The following TRPM3 variants were observed in gnomAD, a reference collection of about 807,000 sequenced individuals.
The protein encoded by TRPM3 is long transient receptor potential channel 3.
Under a neutral mutation model 181.2 loss-of-function variants are expected in TRPM3, and 77 were observed. The observed-to-expected ratio is 0.42, with a 90% confidence interval of 0.35 to 0.51. The LOEUF (loss-of-function observed/expected upper bound fraction) is 0.51. TRPM3 is among the 20% of genes least tolerant of loss of function. TRPM3 has a pLI of 0.01. For missense variants in TRPM3, 1,759 were observed against 2,196.7 expected (o/e 0.80, Z 3.98); for synonymous variants, 745 against 796.4 (o/e 0.94, Z 1.09).
chr9:70,615,832 G>C (rs2062699471), intron 18 of TRPM3, 76 bp downstream of exon 18: 2 of 1,435,314 alleles, frequency 1.4e-6, no homozygotes, highest in Non-Finnish European at 1.9e-6. Context: ...AGGAGTTACT[G>C]AATCTTGAGC....
chr9:70,698,613 G>A (rs566830429), intron 8 of TRPM3, among the ~76,000 whole-genome samples: 1 of 152,268 alleles, frequency 6.6e-6, no homozygotes, highest in East Asian at 1.9e-4. Context: ...TAGTGATATG[G>A]TTTGGATCAG....
intron 1 of TRPM3, among the ~76,000 whole-genome samples, chr9:71,334,686 T>G (rs1010034641): frequency 1.3e-5 from 2 of 152,130 alleles, no homozygotes; most frequent in Non-Finnish European, 2.9e-5. Flanking sequence ...CAACCATCTT[T>G]CTCCCCAAAT....
intron 1 of TRPM3, among the ~76,000 whole-genome samples, chr9:71,370,477 GA>G (rs111456800): frequency 0.016 from 2,389 of 148,634 alleles, 68 homozygotes; most frequent in African/African-American, 0.052. Flanking sequence ...GGTCTGGATA[GA>G]AAAAAAAAAT....
At chr9:71,388,756 T>C (rs1168519890) in intron 1 of TRPM3, among the ~76,000 whole-genome samples, 1 of 152,076 alleles carries the variant, frequency 6.6e-6, no homozygotes, top group African/African-American at 2.4e-5. Context: ...CAAAAAAGAA[T>C]TTTTTTCTTC....
intron 1 of TRPM3, among the ~76,000 whole-genome samples, chr9:71,178,888 A>G (rs965832432): frequency 5.9e-5 from 9 of 152,136 alleles, no homozygotes; most frequent in South Asian, 2.1e-4. Context: ...AGTTTCTTCT[A>G]TTAAGTAATT....
At position 71,190,478 on chromosome 9, in the gene TRPM3, C is replaced by A. The variant is rs190428384; in HGVS notation, c.183+256175G>T. Reference sequence around the variant, plus strand: ...GTTCAATGACAACAATCTTTTCCCACATCCGATAATCTTATTTATAAAATA... The same window carrying A: ...GTTCAATGACAACAATCTTTTCCCAAATCCGATAATCTTATTTATAAAATA... On this transcript the variant is annotated intron_variant, in intron 1 of 24. Transcript: ENST00000357533. Among the ~76,000 whole-genome samples the A allele has an allele frequency of 2.6e-5, 4 of 151,992 alleles. No homozygotes were observed. In the East Asian group the frequency reaches 7.7e-4, roughly 29 times the overall value.
chr9:71,192,859 T>C (rs551189189), intron 1 of TRPM3, among the ~76,000 whole-genome samples: 1 of 151,818 alleles, frequency 6.6e-6, no homozygotes, highest in Non-Finnish European at 1.5e-5. Context: ...TTTCCCCCTA[T>C]GTTTTCTTCT....
intron 1 of TRPM3, among the ~76,000 whole-genome samples, chr9:71,107,701 C>T (rs2070032114): frequency 1.3e-5 from 2 of 152,138 alleles, no homozygotes; most frequent in Non-Finnish European, 2.9e-5. Flanking sequence ...AAACAGTGCT[C>T]ATTTGACTGT....
intron 20 of TRPM3, among the ~76,000 whole-genome samples, chr9:70,601,944 G>T (rs562205079): frequency 6.6e-6 from 1 of 152,266 alleles, no homozygotes; most frequent in South Asian, 2.1e-4. Flanking sequence ...GCCCCAGCAG[G>T]AGCGGGCCTC....
chr9:71,250,069 A>C (rs73647983), intron 1 of TRPM3, among the ~76,000 whole-genome samples: 2,852 of 152,324 alleles, frequency 0.019, 95 homozygotes, highest in African/African-American at 0.066. Flanking sequence ...CTCCATTAAC[A>C]ATCTTTAAAC....
At chr9:71,429,668 T>A (rs1204359721) in intron 1 of TRPM3, among the ~76,000 whole-genome samples, 1 of 152,220 alleles carries the variant, frequency 6.6e-6, no homozygotes. Flanking sequence ...ACTCACAGTG[T>A]ATACTGCAAA....
intron 1 of TRPM3, among the ~76,000 whole-genome samples, chr9:71,043,097 C>A (rs924958034): frequency 6.6e-6 from 1 of 152,192 alleles, no homozygotes; most frequent in African/African-American, 2.4e-5. Context: ...TGTATCTTTG[C>A]AAAACTGATC....
At chr9:71,007,346 T>C (rs2097690795) in intron 1 of TRPM3, among the ~76,000 whole-genome samples, 1 of 152,052 alleles carries the variant, frequency 6.6e-6, no homozygotes, top group African/African-American at 2.4e-5. Context: ...TAAACTACAT[T>C]TTAGACCAAA....
chr9:71,268,686 A>G (rs1405122282), intron 1 of TRPM3, among the ~76,000 whole-genome samples: 1 of 151,192 alleles, frequency 6.6e-6, no homozygotes, highest in Non-Finnish European at 1.5e-5. Context: ...GCCAGGCATG[A>G]TGGCAGCTGC....
chr9:71,045,642 A>T (rs2059347930), intron 1 of TRPM3, among the ~76,000 whole-genome samples: 1 of 152,204 alleles, frequency 6.6e-6, no homozygotes, highest in East Asian at 1.9e-4. Flanking sequence ...TGCAGACAAG[A>T]AATTTTTGAC....
intron 8 of TRPM3, among the ~76,000 whole-genome samples, chr9:70,755,531 C>T (rs137961007): frequency 0.018 from 2,788 of 151,940 alleles, 104 homozygotes; most frequent in African/African-American, 0.061. Flanking sequence ...CCACCATGCC[C>T]GGCTAATTTT....
intron 1 of TRPM3, among the ~76,000 whole-genome samples, chr9:71,105,329 G>A (rs2069262717): frequency 1.3e-5 from 2 of 152,152 alleles, no homozygotes; most frequent in Non-Finnish European, 2.9e-5. Flanking sequence ...AGAGACTCAG[G>A]AAAACAAAGG....
intron 1 of TRPM3, among the ~76,000 whole-genome samples, chr9:71,231,551 T>G (rs1301561126): frequency 2.6e-5 from 4 of 152,218 alleles, no homozygotes; most frequent in African/African-American, 9.6e-5. Flanking sequence ...TTTGAGCCAC[T>G]GAATTGGTGG....
At chr9:71,058,945 G>A (rs1377769181) in intron 1 of TRPM3, among the ~76,000 whole-genome samples, 2 of 143,324 alleles carry the variant, frequency 1.4e-5, no homozygotes, top group Non-Finnish European at 3.0e-5. Flanking sequence ...TTAAGATGTT[G>A]CTCCATTCAT....
Sources: allele counts gnomAD v4.1 joint callset (sites outside exome capture counted in the v4.1 genomes callset), GRCh38; gene constraint gnomAD v4.1.1; transcripts MANE v1.5; gene names NCBI Gene and HGNC (gene_info 2026-07-23, HGNC 2026-07-21).